Variants in KCNQ3 observed in about 807,000 individuals in gnomAD.
KCNQ3 encodes the protein potassium voltage-gated channel subfamily KQT member 3.
KCNQ3 carries 30 observed loss-of-function variants against 92.5 expected under a neutral mutation model. That is an observed-to-expected ratio of 0.32 (90% confidence interval 0.24 to 0.44). The LOEUF (loss-of-function observed/expected upper bound fraction) is 0.44, where lower values mean the gene tolerates loss of function less well. Among genes scored for constraint, KCNQ3 ranks in the 20% least tolerant of loss-of-function variants. The probability of loss-of-function intolerance (pLI) is 1.00; values close to 1 mark genes in which losing one functional copy is unlikely to be tolerated. For missense variants in KCNQ3, 913 were observed against 1,140.3 expected, an observed-to-expected ratio of 0.80 and a Z score of 2.87; for synonymous variants, 450 against 468.8, an observed-to-expected ratio of 0.96 and a Z score of 0.52.
intron 1 of KCNQ3, among the ~76,000 whole-genome samples, chr8:132,404,019 C>T (rs144216130): frequency 6.6e-6 from 1 of 152,344 alleles, no homozygotes; most frequent in Non-Finnish European, 1.5e-5. Flanking sequence ...GAGGACCAAG[C>T]CCCATTCTGT....
chr8:132,244,845 G>T (rs965706331), intron 1 of KCNQ3, among the ~76,000 whole-genome samples: 9 of 146,052 alleles, frequency 6.2e-5, no homozygotes, highest in African/African-American at 2.0e-4. Context: ...GAGCCTTGAG[G>T]TAAAAGTCTT....
intron 1 of KCNQ3, among the ~76,000 whole-genome samples, chr8:132,235,210 A>C (rs1474617357): frequency 6.6e-6 from 1 of 152,084 alleles, no homozygotes; most frequent in Non-Finnish European, 1.5e-5. Flanking sequence ...GATTTAAGAA[A>C]CTTCCTGGCC....
intron 1 of KCNQ3, among the ~76,000 whole-genome samples, chr8:132,262,503 A>G (rs1291349368): frequency 2.0e-5 from 3 of 152,226 alleles, no homozygotes; most frequent in Non-Finnish European, 4.4e-5. Context: ...ATAAGCAAGA[A>G]ACCTCTGAGC....
intron 1 of KCNQ3, among the ~76,000 whole-genome samples, chr8:132,445,431 T>A (rs1236601926): frequency 1.3e-5 from 2 of 152,172 alleles, no homozygotes; most frequent in Non-Finnish European, 2.9e-5. Flanking sequence ...ACACATTAGC[T>A]TGCATTTATT....
chr8:132,209,025 C>A (rs1813764438), intron 1 of KCNQ3, among the ~76,000 whole-genome samples: 1 of 152,048 alleles, frequency 6.6e-6, no homozygotes, highest in Non-Finnish European at 1.5e-5. Flanking sequence ...CAGCACAGGC[C>A]CCAGGGGTTC....
chr8:132,372,760 A>AC (rs1438279381), intron 1 of KCNQ3, among the ~76,000 whole-genome samples: 1 of 76,358 alleles, frequency 1.3e-5, no homozygotes, highest in African/African-American at 9.3e-5. Flanking sequence ...ACTTTGTCTC[A>AC]AAAAAAAAAA....
intron 9 of KCNQ3, among the ~76,000 whole-genome samples, chr8:132,147,042 A>G (rs781097443): frequency 6.6e-6 from 1 of 152,242 alleles, no homozygotes; most frequent in Non-Finnish European, 1.5e-5. Flanking sequence ...ATTTAAAAAG[A>G]ACACAATGGG....
At chr8:132,305,215 C>T (rs1441093568) in intron 1 of KCNQ3, among the ~76,000 whole-genome samples, 1 of 152,200 alleles carries the variant, frequency 6.6e-6, no homozygotes. Context: ...ACATGTAACA[C>T]AAATTAGCTC....
At chr8:132,202,148 C>A (rs1423946449) in intron 1 of KCNQ3, among the ~76,000 whole-genome samples, 1 of 151,940 alleles carries the variant, frequency 6.6e-6, no homozygotes, top group African/African-American at 2.4e-5. Flanking sequence ...GGAGCAGAGA[C>A]CTAAGGCAGG....
At chr8:132,287,600 A>T (rs1816714594) in intron 1 of KCNQ3, among the ~76,000 whole-genome samples, 1 of 152,242 alleles carries the variant, frequency 6.6e-6, no homozygotes, top group Non-Finnish European at 1.5e-5. Flanking sequence ...AAAGGAATGC[A>T]CTACTGATAT....
At chr8:132,275,538 G>T (rs150660590) in intron 1 of KCNQ3, among the ~76,000 whole-genome samples, 3 of 151,398 alleles carry the variant, frequency 2.0e-5, no homozygotes, top group Admixed American at 2.0e-4. Context: ...GGCCCAAAAC[G>T]CACCTCATGG....
At chr8:132,470,785 A>C (rs1332250905) in intron 1 of KCNQ3, among the ~76,000 whole-genome samples, 1 of 152,188 alleles carries the variant, frequency 6.6e-6, no homozygotes, top group African/African-American at 2.4e-5. Flanking sequence ...CCATTAACTG[A>C]AACAGTTCCC....
intron 1 of KCNQ3, among the ~76,000 whole-genome samples, chr8:132,384,471 G>C (rs921339987): frequency 2.0e-5 from 3 of 152,174 alleles, no homozygotes; most frequent in Non-Finnish European, 2.9e-5. Context: ...TACAATGGAA[G>C]ATAAAAGAAT....
At chr8:132,321,206 C>A (rs865859556) in intron 1 of KCNQ3, among the ~76,000 whole-genome samples, 2 of 152,154 alleles carry the variant, frequency 1.3e-5, no homozygotes, top group Admixed American at 6.5e-5. Context: ...TCATGATGCC[C>A]AATCATAAGG....
chr8:132,350,728 G>A (rs1396500669), intron 1 of KCNQ3, among the ~76,000 whole-genome samples: 1 of 152,158 alleles, frequency 6.6e-6, no homozygotes, highest in Non-Finnish European at 1.5e-5. Context: ...TCACGCACGT[G>A]AGTCTTAGAC....
chr8:132,183,755 A>G (rs1425231028), intron 3 of KCNQ3, among the ~76,000 whole-genome samples: 1 of 152,230 alleles, frequency 6.6e-6, no homozygotes, highest in Non-Finnish European at 1.5e-5. Context: ...CATGACTGAA[A>G]AATGACTCAG....
At chr8:132,147,265 GATTGATAA>G (rs1825478516) in intron 9 of KCNQ3, among the ~76,000 whole-genome samples, 1 of 152,164 alleles carries the variant, frequency 6.6e-6, no homozygotes, top group Non-Finnish European at 1.5e-5. Flanking sequence ...TGAGGAAAAA[GATTGATAA>G]ATAACCACCC....
intron 1 of KCNQ3, among the ~76,000 whole-genome samples, chr8:132,436,804 G>T (rs1389849971): frequency 5.3e-5 from 8 of 152,188 alleles, no homozygotes; most frequent in South Asian, 2.1e-4. Flanking sequence ...CTTGGTAGTG[G>T]TTAGTTCTCC....
chr8:132,316,068 C>T (rs935676681), intron 1 of KCNQ3, among the ~76,000 whole-genome samples: 7 of 152,122 alleles, frequency 4.6e-5, no homozygotes, highest in African/African-American at 1.2e-4. Context: ...AGGCTTTTAA[C>T]GTGTGAGTTA....
Sources: allele counts gnomAD v4.1 joint callset (sites outside exome capture counted in the v4.1 genomes callset), GRCh38; gene constraint gnomAD v4.1.1; transcripts MANE v1.5; gene names NCBI Gene and HGNC (gene_info 2026-07-23, HGNC 2026-07-21).